The following SUPT5H variants were observed in gnomAD, a reference collection of about 807,000 sequenced individuals.
The protein encoded by SUPT5H is transcription elongation factor SPT5.
A neutral mutation model predicts 142.5 loss-of-function variants in SUPT5H; 24 were observed. The observed-to-expected ratio is 0.17, with a 90% CI of 0.12 to 0.24. The LOEUF (loss-of-function observed/expected upper bound fraction) is 0.24, where lower values mean the gene tolerates loss of function less well. Ranked by LOEUF, SUPT5H falls within the 10% of genes least tolerant of loss-of-function variation. The pLI, the probability that SUPT5H is intolerant of heterozygous loss-of-function variation, is 1.00. For missense variants in SUPT5H, 893 were observed against 1,471.8 expected (o/e 0.61, Z 6.43); for synonymous variants, 546 against 553.0 (o/e 0.99, Z 0.18).
At chr19:39,460,062 A>C (rs2079141832) in intron 10 of SUPT5H, 102 bp downstream of exon 10, 1 of 1,229,956 alleles carries the variant, frequency 8.1e-7, no homozygotes, top group Non-Finnish European at 1.2e-6. Flanking sequence ...TTGTGAGCAG[A>C]GCTGCCTGCT....
chr19:39,460,048 T>G (rs918469023), intron 10 of SUPT5H, 88 bp downstream of exon 10: 116 of 1,407,016 alleles, frequency 8.2e-5, no homozygotes, highest in Admixed American at 2.2e-4. Flanking sequence ...ACCAGGTGCC[T>G]CTGTTGTGAG....
Position 39,466,469 on chromosome 19 carries a change from G to A in SUPT5H, c.877-11G>A, listed in dbSNP as rs375005502. 1.2e-5 allele frequency: 19 copies of A among 1,613,202 alleles called. No homozygotes were observed. The highest frequency in any genetic ancestry group is 5.3e-5 in the African/African-American group (4 of 74,834). ...GTGGGGCCCTGCTGACCTTCTGCTC[G>A]CCCTGCTCAGGTGGACTACGTGGAG... On this transcript the variant is annotated splice_polypyrimidine_tract_variant and intron_variant, in intron 11 of 29. Coordinates refer to ENST00000432763, the MANE Select transcript of SUPT5H (RefSeq NM_001111020.3). The surrounding 1 kb of genome is among the most constrained non-coding windows in gnomAD (Gnocchi z 4.3).
In SUPT5H at chr19:39,468,957, C is replaced by T. The variant is rs991263090; in HGVS notation, c.1143+96C>T. 67 of 1,550,350 alleles carry T rather than the reference C, an allele frequency of 4.3e-5. 1 individual carries two copies. The South Asian group carries it at 5.9e-4, about 14-fold the overall frequency. ...GTGGGTTATCTGGTTCTGTCCCACT[C>T]CTCAAGTTAGGAGTGTTCCCTAGGA... is the stretch of plus-strand genomic sequence containing the variant. On this transcript the variant is annotated intron_variant, in intron 14 of 29. Coordinates refer to ENST00000432763, the MANE Select transcript of SUPT5H (RefSeq NM_001111020.3).
Position 39,462,233 on chromosome 19 carries a change from A to T in SUPT5H, c.624+2273A>T, listed in dbSNP as rs565569919. Among the ~76,000 whole-genome samples the T allele has an allele frequency of 3.3e-5, 5 of 152,026 alleles. No homozygotes were observed. In the South Asian group the frequency reaches 1.0e-3, roughly 32 times the overall value. ...CTAAAATTTAATTTTTTTAAAGTGT[A>T]AACTGTGGTGGATTTTATATATTGT... On this transcript the variant is annotated intron_variant, in intron 10 of 29. Coordinates refer to ENST00000432763, the MANE Select transcript of SUPT5H (RefSeq NM_001111020.3).
At chr19:39,449,510 C>A (rs2078993687) in intron 2 of SUPT5H, among the ~76,000 whole-genome samples, 1 of 152,086 alleles carries the variant, frequency 6.6e-6, no homozygotes, top group African/African-American at 2.4e-5. Flanking sequence ...ATGGACTGGG[C>A]CCTACTATTG....
intron 2 of SUPT5H, among the ~76,000 whole-genome samples, chr19:39,452,902 A>G (rs1199598841): frequency 1.3e-5 from 2 of 151,754 alleles, no homozygotes; most frequent in African/African-American, 4.8e-5. Context: ...AATCTCAGCT[A>G]CTCAGGAGGC....
chr19:39,449,441 GA>G (rs2078992690), intron 2 of SUPT5H, among the ~76,000 whole-genome samples: 1 of 152,148 alleles, frequency 6.6e-6, no homozygotes, highest in Admixed American at 6.6e-5. Flanking sequence ...AAATATTTCT[GA>G]AGTCTTCTGT....
intron 13 of SUPT5H, 76 bp from the exon 14 acceptor site, chr19:39,468,680 G>T: frequency 7.5e-7 from 1 of 1,329,212 alleles, no homozygotes; most frequent in Non-Finnish European, 1.1e-6. Context: ...TCTGTTGCCA[G>T]CTGAGAAGAC....
chr19:39,461,544 C>T (rs747392630), intron 10 of SUPT5H, among the ~76,000 whole-genome samples: 28 of 151,760 alleles, frequency 1.8e-4, no homozygotes, highest in African/African-American at 4.1e-4. Context: ...AATAATAGGC[C>T]GGGCGCGGTG....
chr19:39,458,476 C>A lies in SUPT5H; in HGVS notation c.319+171C>A. Reference sequence around the variant, plus strand: ...GGGAGTTCTGGGGCCAGGTATACCCCAGTTGTTGACCTGGGAAAGCACGGA... The same window carrying A: ...GGGAGTTCTGGGGCCAGGTATACCCAAGTTGTTGACCTGGGAAAGCACGGA... On this transcript the variant is annotated intron_variant, in intron 5 of 29. Transcript: ENST00000432763. This position sits in a 1 kb window ranked among gnomAD's most constrained non-coding sequence, Gnocchi z 4.2. The A allele has an allele frequency of 8.2e-7, 1 of 1,221,248 alleles. No individual in the cohort carries two copies. Among genetic ancestry groups the A allele is most frequent in the South Asian group, 1.5e-5 (1 of 68,714 alleles). The allele number at this position is 1,221,248 out of a possible 1,614,324, so 75.7% of individuals were successfully genotyped here.
At position 39,469,896 on chromosome 19, in the gene SUPT5H, G is replaced by A. The variant is rs2079295517; in HGVS notation, c.1375-223G>A. The A allele has an allele frequency of 5.3e-6, 3 of 565,858 alleles. No individual in the cohort carries two copies. The highest frequency in any genetic ancestry group is 3.4e-5 in the Admixed American group (1 of 29,644). 35.1% of individuals were successfully genotyped at this position (565,858 alleles called of 1,614,324 possible). ...GGTAGGCATCGTGTGTCTTGAGGGC[G>A]GGCTGGGGTAAAGGTTGTCCAGGTT... On this transcript the variant is annotated intron_variant, in intron 16 of 29. Coordinates refer to ENST00000432763, the MANE Select transcript of SUPT5H (RefSeq NM_001111020.3). The surrounding 1 kb of genome is among the most constrained non-coding windows in gnomAD (Gnocchi z 5.1).
intron 3 of SUPT5H, among the ~76,000 whole-genome samples, chr19:39,455,259 G>A (rs1007418285): frequency 2.0e-5 from 3 of 152,054 alleles, no homozygotes; most frequent in African/African-American, 7.2e-5. Context: ...ACAGAACGGT[G>A]TGTTAAAAAA....
In SUPT5H at chr19:39,466,834, C is replaced by T. The variant is rs574054207; in HGVS notation, c.1037+89C>T. The T allele has an allele frequency of 1.2e-4, 156 of 1,292,048 alleles. No homozygotes were observed. The highest frequency in any genetic ancestry group is 1.7e-4 in the Non-Finnish European group (147 of 889,528). The allele number at this position is 1,292,048 out of a possible 1,614,324, so 80.0% of individuals were successfully genotyped here. Reference sequence around the variant, plus strand: ...GCAGGTTCCTCCCCAGGGGTGGCCCCGCCACAGGTTTAGCCTGTGAATTGG... The same window carrying T: ...GCAGGTTCCTCCCCAGGGGTGGCCCTGCCACAGGTTTAGCCTGTGAATTGG... On this transcript the variant is annotated intron_variant, in intron 13 of 29. Coordinates refer to ENST00000432763, the MANE Select transcript of SUPT5H (RefSeq NM_001111020.3). This position sits in a 1 kb window ranked among gnomAD's most constrained non-coding sequence, Gnocchi z 4.3.
chr19:39,450,516 G>A (rs1384816875), intron 2 of SUPT5H, among the ~76,000 whole-genome samples: 1 of 152,198 alleles, frequency 6.6e-6, no homozygotes, highest in East Asian at 1.9e-4. Flanking sequence ...AAGTAGTTGA[G>A]TGCAGCTGAG....
At chr19:39,457,881 G>A in intron 4 of SUPT5H, 141 bp downstream of exon 4, 1 of 1,423,654 alleles carries the variant, frequency 7.0e-7, no homozygotes, top group Non-Finnish European at 9.6e-7. Context: ...GTCCTTCCCA[G>A]AGAGACCAGC....
At chr19:39,465,903 T>C (rs1467426231) in intron 11 of SUPT5H, among the ~76,000 whole-genome samples, 2 of 152,254 alleles carry the variant, frequency 1.3e-5, no homozygotes, top group Non-Finnish European at 2.9e-5. Flanking sequence ...TTCAGATTTT[T>C]TCAGCTTTTG....
At chr19:39,462,336 C>T (rs1380443907) in intron 10 of SUPT5H, among the ~76,000 whole-genome samples, 3 of 152,144 alleles carry the variant, frequency 2.0e-5, no homozygotes, top group Non-Finnish European at 4.4e-5. Context: ...ACCCATTAGT[C>T]ATCACTCCCC....
chr19:39,460,399 T>C (rs1283847608), intron 10 of SUPT5H, among the ~76,000 whole-genome samples: 1 of 152,160 alleles, frequency 6.6e-6, no homozygotes, highest in Non-Finnish European at 1.5e-5. Context: ...ATGCACCTAC[T>C]TCCCCTCTCT....
rs1408599846 is a variant in SUPT5H at position 39,471,679 on chromosome 19, G to A, written c.1899G>A (p.Gly633=). The change falls in exon 20 of 30, where the codon GGG becomes GGA. Residue 633 remains glycine, a synonymous_variant. Coordinates refer to ENST00000432763, the MANE Select transcript of SUPT5H (RefSeq NM_001111020.3). ...ATTGCAAGAAACTGGTGGAGAACGG[G>A]GGCATGTTTGTCTGCAAGACCCGCC... ...FLHCKKLVEN[G]GMFVCKTRHL... is the part of the protein sequence containing the mutation. The A allele has an allele frequency of 1.2e-6, 2 of 1,614,220 alleles. No homozygotes were observed. Among genetic ancestry groups the A allele is most frequent in the Admixed American group, 1.7e-5 (1 of 60,026 alleles).
Sources: gnomAD v4.1 joint callset for allele counts (sites outside exome capture counted in the v4.1 genomes callset) on GRCh38, gnomAD v4.1.1 for gene constraint, Gnocchi (gnomAD v3.1) non-coding constraint, MANE v1.5 for transcripts, NCBI Gene and HGNC (gene_info 2026-07-23, HGNC 2026-07-21) for gene names.